The following COL5A2 variants were observed in gnomAD, a reference collection of about 807,000 sequenced individuals.
The protein encoded by COL5A2 is collagen alpha-2(V) chain.
Under a neutral mutation model 208.2 loss-of-function variants are expected in COL5A2, and 23 were observed. That is an observed-to-expected ratio of 0.11 (90% confidence interval 0.08 to 0.16). The LOEUF (loss-of-function observed/expected upper bound fraction) is 0.16, where lower values mean the gene tolerates loss of function less well. Ranked by LOEUF, COL5A2 falls within the 10% of genes least tolerant of loss-of-function variation. The probability of loss-of-function intolerance (pLI) is 1.00; values close to 1 mark genes in which losing one functional copy is unlikely to be tolerated. For synonymous variants in COL5A2, 625 were observed against 628.5 expected, an observed-to-expected ratio of 0.99 and a Z score of 0.08; for missense variants, 1,590 against 1,956.4, an observed-to-expected ratio of 0.81 and a Z score of 3.53.
At chr2:189,311,804 A>C in the COL5A2 span, 1 of 1,050,184 alleles carries the variant, frequency 9.5e-7, no homozygotes, top group South Asian at 1.3e-5. Context: ...TGGATGTCTG[A>C]AATGATCCTG....
At chr2:189,142,384 G>T (rs1054771129) in intron 1 of COL5A2, among the ~76,000 whole-genome samples, 1 of 151,742 alleles carries the variant, frequency 6.6e-6, no homozygotes, top group African/African-American at 2.4e-5. Flanking sequence ...TTATATCTGT[G>T]CATATCATTT....
intron 23 of COL5A2, among the ~76,000 whole-genome samples, chr2:189,065,634 C>A (rs1260500754): frequency 6.6e-6 from 1 of 152,164 alleles, no homozygotes; most frequent in Admixed American, 6.5e-5. Context: ...GGCATAGGTA[C>A]CATCTATAGC....
chr2:189,208,701 G>A (rs1229111778), intron 1 of COL5A2, among the ~76,000 whole-genome samples: 1 of 152,204 alleles, frequency 6.6e-6, no homozygotes, highest in East Asian at 1.9e-4. Flanking sequence ...GGATGTGAAA[G>A]TTAAGGAAGA....
At chr2:189,098,617 C>G in intron 5 of COL5A2, 110 bp downstream of exon 5, 2 of 888,158 alleles carry the variant, frequency 2.3e-6, no homozygotes, top group Admixed American at 3.8e-5. Context: ...TTTAAGAGAC[C>G]AAGTATCATT....
intron 1 of COL5A2, among the ~76,000 whole-genome samples, chr2:189,129,303 C>T (rs533534746): frequency 2.0e-4 from 31 of 152,050 alleles, no homozygotes; most frequent in African/African-American, 7.2e-4. Context: ...AGGAAAAACT[C>T]CTTACATTTC....
the COL5A2 span, among the ~76,000 whole-genome samples, chr2:189,235,130 A>G: frequency 6.6e-6 from 1 of 151,644 alleles, no homozygotes; most frequent in Non-Finnish European, 1.5e-5. Context: ...GGACTGCCAC[A>G]TTTTATGTCC....
intron 1 of COL5A2, among the ~76,000 whole-genome samples, chr2:189,223,349 T>C (rs1284440783): frequency 6.6e-6 from 1 of 152,188 alleles, no homozygotes; most frequent in Non-Finnish European, 1.5e-5. Context: ...ACCTGCCTAA[T>C]CCATATCCAC....
chr2:189,294,956 C>G, the COL5A2 span, among the ~76,000 whole-genome samples: 1 of 152,088 alleles, frequency 6.6e-6, no homozygotes, highest in Non-Finnish European at 1.5e-5. Context: ...CAGGTACATA[C>G]CACCATGCCT....
chr2:189,219,959 G>A (rs531011945), intron 1 of COL5A2, among the ~76,000 whole-genome samples: 5 of 152,088 alleles, frequency 3.3e-5, no homozygotes, highest in Admixed American at 6.5e-5. Context: ...TGAACAAAGG[G>A]GTCCACATTT....
chr2:189,412,785 T>C, the COL5A2 span, among the ~76,000 whole-genome samples: 1 of 152,306 alleles, frequency 6.6e-6, no homozygotes, highest in Admixed American at 6.5e-5. Flanking sequence ...AAACAATACA[T>C]TGTCTTGTGT....
chr2:189,071,991 C>CA, intron 18 of COL5A2, 49 bp downstream of exon 18: 1 of 1,197,966 alleles, frequency 8.3e-7, no homozygotes, highest in Non-Finnish European at 1.2e-6. Context: ...CTTTGGGACT[C>CA]ATGTAATCAT....
rs778760084 is a variant in COL5A2 at position 189,062,966 on chromosome 2, A to G, written c.1923+44T>C. 12 of 1,613,618 alleles carry G rather than the reference A, an allele frequency of 7.4e-6. No homozygotes were observed. The South Asian group carries it at 9.9e-5, about 13-fold the overall frequency. ...GTGAGGTGAGTCTATGATAATTTAAATAGTACCTACATTATTTTTCTTTAG... is the reference window on the plus strand; with the variant it reads ...GTGAGGTGAGTCTATGATAATTTAAGTAGTACCTACATTATTTTTCTTTAG... On this transcript the variant is annotated intron_variant, in intron 28 of 53. Coordinates refer to ENST00000374866, the MANE Select transcript of COL5A2 (RefSeq NM_000393.5).
At chr2:189,061,945 CAT>C (rs1252758588) in intron 29 of COL5A2, among the ~76,000 whole-genome samples, 1 of 151,970 alleles carries the variant, frequency 6.6e-6, no homozygotes, top group Non-Finnish European at 1.5e-5. Context: ...AATCTAAAAA[CAT>C]AATATTTTTA....
chr2:189,156,177 G>A (rs956421399), intron 1 of COL5A2, among the ~76,000 whole-genome samples: 2 of 152,042 alleles, frequency 1.3e-5, no homozygotes, highest in Non-Finnish European at 2.9e-5. Context: ...TATATTCACA[G>A]GTTACAGAGA....
chr2:189,190,802 T>C (rs960921401), intron 1 of COL5A2, among the ~76,000 whole-genome samples: 3 of 152,202 alleles, frequency 2.0e-5, no homozygotes, highest in Non-Finnish European at 4.4e-5. Flanking sequence ...GGTTTTGGTT[T>C]CAAAAGTTAC....
chr2:189,400,252 T>C, the COL5A2 span, among the ~76,000 whole-genome samples: 1 of 152,324 alleles, frequency 6.6e-6, no homozygotes, highest in South Asian at 2.1e-4. Context: ...GCTCAGCCAT[T>C]ATATTCTCAA....
chr2:189,228,544 C>A (rs1689445700), upstream of COL5A2, among the ~76,000 whole-genome samples: 1 of 151,610 alleles, frequency 6.6e-6, no homozygotes, highest in Non-Finnish European at 1.5e-5. Context: ...TATAGATTAT[C>A]CAAATTGGAT....
chr2:189,202,083 G>T (rs1338807750), intron 1 of COL5A2, among the ~76,000 whole-genome samples: 3 of 151,614 alleles, frequency 2.0e-5, no homozygotes, highest in African/African-American at 2.4e-5. Context: ...AGAGATTAAA[G>T]ATATTATTTT....
the COL5A2 span, among the ~76,000 whole-genome samples, chr2:189,376,842 C>T: frequency 6.6e-6 from 1 of 152,046 alleles, no homozygotes; most frequent in Non-Finnish European, 1.5e-5. Flanking sequence ...GACAAAGGCA[C>T]TATGTTCCAC....
Sources: allele counts gnomAD v4.1 joint callset (sites outside exome capture counted in the v4.1 genomes callset), GRCh38; gene constraint gnomAD v4.1.1; transcripts MANE v1.5; gene names NCBI Gene and HGNC (gene_info 2026-07-23, HGNC 2026-07-21).